LARGE1: variants seen among roughly 807,000 people sequenced by gnomAD.
The protein encoded by LARGE1 is LARGE xylosyl- and glucuronyltransferase 1.
LARGE1 carries 43 observed loss-of-function variants against 87.6 expected under a neutral mutation model. The observed-to-expected ratio is 0.49, with a 90% CI of 0.38 to 0.63. The LOEUF is 0.63. Among genes scored for constraint, LARGE1 ranks in the 30% least tolerant of loss-of-function variants. LARGE1 has a pLI of 0.00. For synonymous variants in LARGE1, 434 were observed against 394.6 expected, an observed-to-expected ratio of 1.10 and a Z score of -1.18; for missense variants, 802 against 1,000.2, an observed-to-expected ratio of 0.80 and a Z score of 2.67.
At chr22:33,207,041 C>T (rs1400032936) in intron 11 of LARGE1, among the ~76,000 whole-genome samples, 2 of 152,148 alleles carry the variant, frequency 1.3e-5, no homozygotes, top group South Asian at 2.1e-4. Flanking sequence ...GGGAAATAGA[C>T]TTGTTGGTGA....
chr22:33,836,290 A>T (rs2146370636), intron 1 of LARGE1, among the ~76,000 whole-genome samples: 1 of 152,322 alleles, frequency 6.6e-6, no homozygotes, highest in East Asian at 1.9e-4. Context: ...AATATGGGAA[A>T]ATGGAAGCAA....
intron 12 of LARGE1, among the ~76,000 whole-genome samples, chr22:33,289,051 C>T (rs372395304): frequency 4.2e-4 from 64 of 152,118 alleles, no homozygotes; most frequent in African/African-American, 1.3e-3. Context: ...CTCCGCCTCC[C>T]GGGTTCACGC....
At chr22:33,820,294 T>C (rs1343788739) in intron 1 of LARGE1, among the ~76,000 whole-genome samples, 1 of 152,206 alleles carries the variant, frequency 6.6e-6, no homozygotes, top group Non-Finnish European at 1.5e-5. Flanking sequence ...TCCCATAGCA[T>C]ATTGCCATAA....
chr22:33,695,240 A>T (rs1026785362), intron 2 of LARGE1, among the ~76,000 whole-genome samples: 2 of 151,274 alleles, frequency 1.3e-5, no homozygotes, highest in African/African-American at 4.9e-5. Context: ...AGAAGCTAGG[A>T]TTACAGGCGC....
chr22:33,241,262 T>C (rs1926499356), intron 11 of LARGE1, among the ~76,000 whole-genome samples: 1 of 152,202 alleles, frequency 6.6e-6, no homozygotes, highest in Non-Finnish European at 1.5e-5. Context: ...CTGTTACTGC[T>C]GCTTGAAACA....
chr22:33,069,938 C>G, the LARGE1 span, among the ~76,000 whole-genome samples: 1 of 151,794 alleles, frequency 6.6e-6, no homozygotes, highest in Non-Finnish European at 1.5e-5. Flanking sequence ...TATTCACCTG[C>G]CTCAGCCTCC....
intron 3 of LARGE1, among the ~76,000 whole-genome samples, chr22:33,639,815 A>G (rs118054339): frequency 6.6e-6 from 1 of 152,372 alleles, no homozygotes; most frequent in Non-Finnish European, 1.5e-5. Flanking sequence ...CTTCTGAGGC[A>G]CACAGAGGCC....
intron 4 of LARGE1, among the ~76,000 whole-genome samples, chr22:33,611,407 T>C (rs1449387890): frequency 6.6e-6 from 1 of 152,230 alleles, no homozygotes; most frequent in Non-Finnish European, 1.5e-5. Flanking sequence ...TCAAGAATTA[T>C]TTTGGAGCTT....
chr22:33,398,273 A>G (rs911856156), intron 7 of LARGE1, among the ~76,000 whole-genome samples: 4 of 152,102 alleles, frequency 2.6e-5, no homozygotes, highest in Non-Finnish European at 4.4e-5. Flanking sequence ...TCTATCCCCA[A>G]TGGCTTCAGG....
chr22:33,869,346 T>C (rs1158244906), intron 1 of LARGE1, among the ~76,000 whole-genome samples: 1 of 152,148 alleles, frequency 6.6e-6, no homozygotes, highest in Non-Finnish European at 1.5e-5. Flanking sequence ...TAGGACTGTT[T>C]CCATAGATAT....
chr22:33,358,779 G>A (rs561497694), intron 9 of LARGE1, among the ~76,000 whole-genome samples: 1 of 152,170 alleles, frequency 6.6e-6, no homozygotes, highest in South Asian at 2.1e-4. Context: ...GAGGTCAGGA[G>A]TTTGAGACCA....
At position 33,356,116 on chromosome 22, in the gene LARGE1, A is replaced by G. The variant is rs151262517; in HGVS notation, c.1132-18315T>C. Reference sequence around the variant, plus strand: ...GACATACACTCTGGAAAATGCTGTCATAGGGTAAAATTTCCAGAGACATCA... The same window carrying G: ...GACATACACTCTGGAAAATGCTGTCGTAGGGTAAAATTTCCAGAGACATCA... On this transcript the variant is annotated intron_variant, in intron 9 of 14. Transcript: ENST00000397394. 5.5e-3 allele frequency among the ~76,000 whole-genome samples: 840 copies of G among 152,322 alleles called. 11 individuals carry two copies. The highest frequency in any genetic ancestry group is 0.019 in the African/African-American group (780 of 41,568).
intron 2 of LARGE1, among the ~76,000 whole-genome samples, chr22:33,693,032 G>C (rs2082139742): frequency 6.6e-6 from 1 of 152,182 alleles, no homozygotes; most frequent in Admixed American, 6.5e-5. Context: ...TAAAGAAAAT[G>C]TGGTGCATAT....
At chr22:33,182,542 A>T (rs1036703362) in intron 11 of LARGE1, among the ~76,000 whole-genome samples, 5 of 152,202 alleles carry the variant, frequency 3.3e-5, no homozygotes, top group African/African-American at 4.8e-5. Flanking sequence ...AGAAAGAAGA[A>T]CAAAGCTGGA....
chr22:33,320,267 G>A (rs949225151), intron 10 of LARGE1, among the ~76,000 whole-genome samples: 1 of 151,604 alleles, frequency 6.6e-6, no homozygotes, highest in Non-Finnish European at 1.5e-5. Flanking sequence ...TCACACCTCC[G>A]TGACTTTGTT....
intron 2 of LARGE1, among the ~76,000 whole-genome samples, chr22:33,751,445 A>C (rs1182373876): frequency 2.6e-5 from 4 of 151,778 alleles, no homozygotes; most frequent in Non-Finnish European, 4.4e-5. Context: ...AGATTGTGCC[A>C]CTGCGCTCCA....
At chr22:33,909,530 TTTTTTGTTTTTG>T (rs899457201) in intron 1 of LARGE1, among the ~76,000 whole-genome samples, 2 of 150,888 alleles carry the variant, frequency 1.3e-5, no homozygotes, top group East Asian at 1.9e-4. Flanking sequence ...TTGTTTTTTT[TTTTTTGTTTTTG>T]TTTTTGTTTT....
In LARGE1 at chr22:33,274,043, C is replaced by T. The variant is rs187116095; in HGVS notation, c.*384G>A. 5.6e-5 allele frequency: 22 copies of T among 390,844 alleles called. No individual in the cohort carries two copies. Among genetic ancestry groups the T allele is most frequent in the Admixed American group, 1.6e-4 (4 of 24,270 alleles). 24.2% of individuals were successfully genotyped at this position (390,844 alleles called of 1,614,324 possible). A position where few individuals can be genotyped will look rare whatever the true frequency, so the allele number is the denominator to read the frequency against. On this transcript the variant is annotated 3_prime_UTR_variant, in exon 15 of 15. Transcript: ENST00000397394. ...GGACGAATAACCCCTAGAACCCTGA[C>T]TTCCCTTTCTCCCCAGTTATGATGG... is the stretch of plus-strand genomic sequence containing the variant.
intron 2 of LARGE1, among the ~76,000 whole-genome samples, chr22:33,695,384 C>T (rs12169060): frequency 4.6e-4 from 70 of 152,148 alleles, no homozygotes; most frequent in African/African-American, 1.6e-3. Context: ...GATACCCAGC[C>T]GTGATTTTCT....
Sources: gnomAD v4.1 joint callset for allele counts (sites outside exome capture counted in the v4.1 genomes callset) on GRCh38, gnomAD v4.1.1 for gene constraint, MANE v1.5 for transcripts, NCBI Gene and HGNC (gene_info 2026-07-23, HGNC 2026-07-21) for gene names.